The following TMEM131L variants were observed in gnomAD, a reference collection of about 807,000 sequenced individuals.
The protein encoded by TMEM131L is transmembrane 131 like.
In TMEM131L, 54 loss-of-function variants were observed where a neutral mutation model predicts 192.2. The ratio of observed to expected loss-of-function variants is 0.28; its 90% CI spans 0.23 to 0.35. The LOEUF (loss-of-function observed/expected upper bound fraction) is 0.35, where lower values mean the gene tolerates loss of function less well. Ranked by LOEUF, TMEM131L falls within the 10% of genes least tolerant of loss-of-function variation. The pLI, the probability that TMEM131L is intolerant of heterozygous loss-of-function variation, is 1.00. For synonymous variants in TMEM131L, 701 were observed against 704.9 expected (o/e 0.99, Z 0.09); for missense variants, 1,888 against 1,972.9 (o/e 0.96, Z 0.82).
chr4:153,563,494 G>T (rs1181811927), intron 7 of TMEM131L, among the ~76,000 whole-genome samples: 8 of 132,060 alleles, frequency 6.1e-5, no homozygotes, highest in Middle Eastern at 4.3e-3. Context: ...TTGAGACAGG[G>T]TCTCGCTCTG....
intron 3 of TMEM131L, among the ~76,000 whole-genome samples, chr4:153,515,912 A>ATT (rs58389534): frequency 2.4e-4 from 32 of 132,726 alleles, no homozygotes; most frequent in Middle Eastern, 4.1e-3. Flanking sequence ...TCCTCTGCCC[A>ATT]TTTTTTTTTT....
At chr4:153,566,520 T>TGTGA (rs1309348091) in intron 7 of TMEM131L, among the ~76,000 whole-genome samples, 19 of 109,460 alleles carry the variant, frequency 1.7e-4, no homozygotes, top group African/African-American at 2.7e-4. Context: ...TGAGTGTGAG[T>TGTGA]GTGTGTGTGT....
chr4:153,605,477 C>T (rs1732161880), intron 25 of TMEM131L, among the ~76,000 whole-genome samples: 1 of 152,212 alleles, frequency 6.6e-6, no homozygotes, highest in Non-Finnish European at 1.5e-5. Flanking sequence ...AAGCCATTTT[C>T]CCATCCCAGC....
At chr4:153,601,252 C>T (rs534646957) in intron 21 of TMEM131L, among the ~76,000 whole-genome samples, 2 of 152,240 alleles carry the variant, frequency 1.3e-5, no homozygotes, top group South Asian at 2.1e-4. Context: ...TAGAACCAGA[C>T]CTGTCGCCAT....
chr4:153,500,979 G>A (rs1211209660), intron 3 of TMEM131L, among the ~76,000 whole-genome samples: 8 of 152,000 alleles, frequency 5.3e-5, no homozygotes, highest in Non-Finnish European at 1.2e-4. Context: ...GTTGATAATA[G>A]AGTTAAAAAA....
At position 153,583,612 on chromosome 4, in the gene TMEM131L, C is replaced by A. The variant is rs748708879; in HGVS notation, c.1000C>A (p.Pro334Thr). 1 of 1,612,296 alleles carries A rather than the reference C, an allele frequency of 6.2e-7. No individual in the cohort carries two copies. The highest frequency in any genetic ancestry group is 1.1e-5 in the South Asian group (1 of 90,588). The change falls in exon 11 of 35, where the codon CCA becomes ACA. Residue 334 changes from proline to threonine, a missense_variant. Pro to Thr is a conservative substitution (Grantham distance 38, BLOSUM62 -1). Transcript: ENST00000409959. ...QRDALSLQFEPVLLPTSTTNF... is the reference protein window; with the variant it reads ...QRDALSLQFETVLLPTSTTNF... ...AGATGCTCTGTCTCTGCAGTTTGAA[C>A]CAGTACTACTACCTACTTCTACAAC...
chr4:153,486,981 G>A (rs551342449), intron 3 of TMEM131L, among the ~76,000 whole-genome samples: 2 of 152,200 alleles, frequency 1.3e-5, no homozygotes, highest in East Asian at 3.8e-4. Context: ...CTCGAAGCCT[G>A]GTCCAGGGAC....
At chr4:153,476,811 A>C (rs1179494155) in intron 3 of TMEM131L, among the ~76,000 whole-genome samples, 1 of 152,224 alleles carries the variant, frequency 6.6e-6, no homozygotes, top group Non-Finnish European at 1.5e-5. Flanking sequence ...TTATTTTTGT[A>C]TTTAAAAAAA....
Position 153,636,445 on chromosome 4 carries a change from G to T in TMEM131L, c.4702G>T (p.Val1568Leu). 1 of 1,614,158 alleles carries T rather than the reference G, an allele frequency of 6.2e-7. No individual in the cohort carries two copies. The highest frequency in any genetic ancestry group is 1.7e-5 in the Admixed American group (1 of 60,028). ...GACCCACATGGAAAACCAAGCGGTC[G>T]TGTGCAAGGAATACTACCCGGGGTT... is the stretch of plus-strand genomic sequence containing the variant. ...HSTHMENQAVVCKEYYPGFNP... is the reference protein window; with the variant it reads ...HSTHMENQAVLCKEYYPGFNP... The change falls in exon 35 of 35, where the codon GTG becomes TTG. Residue 1568 changes from valine to leucine, a missense_variant. Val to Leu is a conservative substitution (Grantham distance 32, BLOSUM62 1). Coordinates refer to ENST00000409959, the MANE Select transcript of TMEM131L (RefSeq NM_001131007.2).
At chr4:153,511,983 G>A (rs539662990) in intron 3 of TMEM131L, among the ~76,000 whole-genome samples, 2 of 152,190 alleles carry the variant, frequency 1.3e-5, no homozygotes, top group East Asian at 3.9e-4. Flanking sequence ...AATTTTTGTT[G>A]CAGCGTAGAA....
intron 3 of TMEM131L, among the ~76,000 whole-genome samples, chr4:153,503,769 C>T (rs1283117526): frequency 3.3e-5 from 5 of 151,862 alleles, no homozygotes; most frequent in African/African-American, 4.8e-5. Context: ...TAATAAGACA[C>T]GGGTTATAAA....
intron 31 of TMEM131L, 165 bp from the exon 32 acceptor site, chr4:153,632,553 T>G: frequency 7.1e-6 from 5 of 704,230 alleles, no homozygotes; most frequent in Non-Finnish European, 1.2e-5. Context: ...CAAAACAATA[T>G]GCTGTATTTC....
At chr4:153,514,810 TTTTTC>T (rs1734597238) in intron 3 of TMEM131L, among the ~76,000 whole-genome samples, 1 of 152,104 alleles carries the variant, frequency 6.6e-6, no homozygotes, top group Non-Finnish European at 1.5e-5. Flanking sequence ...TCACCCTGTT[TTTTTC>T]TTTTCTTTTT....
chr4:153,474,155 C>G (rs1371032705), intron 3 of TMEM131L, among the ~76,000 whole-genome samples: 1 of 152,240 alleles, frequency 6.6e-6, no homozygotes, highest in Non-Finnish European at 1.5e-5. Context: ...TGCCCTCCCT[C>G]TTGTTTATAA....
At chr4:153,553,022 C>T (rs961423328) in intron 4 of TMEM131L, among the ~76,000 whole-genome samples, 2 of 151,444 alleles carry the variant, frequency 1.3e-5, no homozygotes, top group Middle Eastern at 3.4e-3. Context: ...GTATATGATA[C>T]ACTTTTGTTA....
At chr4:153,536,418 C>T (rs2150291054) in intron 3 of TMEM131L, among the ~76,000 whole-genome samples, 1 of 152,304 alleles carries the variant, frequency 6.6e-6, no homozygotes, top group South Asian at 2.1e-4. Flanking sequence ...ATTAAGTTCC[C>T]TGAGCTGAAT....
At chr4:153,534,652 C>T (rs1736173696) in intron 3 of TMEM131L, among the ~76,000 whole-genome samples, 1 of 152,122 alleles carries the variant, frequency 6.6e-6, no homozygotes, top group Non-Finnish European at 1.5e-5. Flanking sequence ...CCAGGATGGT[C>T]TCTATCTCCT....
intron 3 of TMEM131L, among the ~76,000 whole-genome samples, chr4:153,522,401 C>G (rs1034721144): frequency 7.9e-5 from 12 of 152,110 alleles, no homozygotes; most frequent in African/African-American, 2.9e-4. Flanking sequence ...ATGTTGCATG[C>G]CAAGCACTAG....
chr4:153,537,738 G>A (rs1736447292), intron 3 of TMEM131L, among the ~76,000 whole-genome samples: 1 of 152,166 alleles, frequency 6.6e-6, no homozygotes, highest in Non-Finnish European at 1.5e-5. Flanking sequence ...CCAAGACTTA[G>A]AATGCCTTAA....
Sources: gnomAD v4.1 joint callset for allele counts (sites outside exome capture counted in the v4.1 genomes callset) on GRCh38, gnomAD v4.1.1 for gene constraint, MANE v1.5 for transcripts, NCBI Gene and HGNC (gene_info 2026-07-23, HGNC 2026-07-21) for gene names.